The following PDE4D variants were observed in gnomAD, a reference collection of about 807,000 sequenced individuals.
PDE4D encodes the protein phosphodiesterase 4D, also known as 3',5'-cyclic-AMP phosphodiesterase 4D.
PDE4D carries 24 observed loss-of-function variants against 87.4 expected under a neutral mutation model. The observed-to-expected ratio is 0.27, with a 90% confidence interval of 0.20 to 0.39. The LOEUF (loss-of-function observed/expected upper bound fraction) is 0.39. PDE4D is among the 10% of genes least tolerant of loss of function. The pLI is 1.00. For synonymous variants in PDE4D, 384 were observed against 383.2 expected, an observed-to-expected ratio of 1.00 and a Z score of -0.02; for missense variants, 714 against 1,041.0, an observed-to-expected ratio of 0.69 and a Z score of 4.32.
intron 2 of PDE4D, among the ~76,000 whole-genome samples, chr5:60,075,133 T>C (rs1258941839): frequency 6.6e-6 from 1 of 152,178 alleles, no homozygotes. Context: ...CACTGTGTAT[T>C]TGCAGTGTCT....
intron 1 of PDE4D, among the ~76,000 whole-genome samples, chr5:59,506,160 T>TATTA (rs1809220802): frequency 6.6e-6 from 1 of 152,142 alleles, no homozygotes; most frequent in South Asian, 2.1e-4. Flanking sequence ...AAACATTGAT[T>TATTA]TGCTAAATTA....
At chr5:59,833,975 C>A (rs928446696) in intron 1 of PDE4D, among the ~76,000 whole-genome samples, 1 of 151,830 alleles carries the variant, frequency 6.6e-6, no homozygotes, top group African/African-American at 2.4e-5. Flanking sequence ...AAGAAACCAG[C>A]AAATGTTTAT....
chr5:59,462,540 T>G (rs1043094433), intron 1 of PDE4D, among the ~76,000 whole-genome samples: 1 of 152,164 alleles, frequency 6.6e-6, no homozygotes, highest in African/African-American at 2.4e-5. Flanking sequence ...TATGACCATC[T>G]TAGTTAAGCA....
chr5:59,356,916 G>A (rs1781469544), intron 1 of PDE4D: 1 of 1,459,288 alleles, frequency 6.9e-7, no homozygotes, highest in Admixed American at 3.0e-5. Context: ...CTGGGGCCCT[G>A]AGGCCCCGCA....
At chr5:59,994,615 TCCCCTCTGTAG>T (rs1763348175) in intron 2 of PDE4D, among the ~76,000 whole-genome samples, 3 of 152,000 alleles carry the variant, frequency 2.0e-5, no homozygotes, top group Admixed American at 2.0e-4. Context: ...CTATTTCTCT[TCCCCTCTGTAG>T]CCCCTCACCA....
At position 58,974,098 on chromosome 5, in the gene PDE4D, A is replaced by G. The variant is rs1561204101; in HGVS notation, c.*566T>C. On this transcript the variant is annotated 3_prime_UTR_variant, in exon 15 of 15. Coordinates refer to ENST00000340635, the MANE Select transcript of PDE4D (RefSeq NM_001104631.2). ...AAGCTCTACAAAAAATCTGTTTTAC[A>G]TATCATACAAAATGTAGAGGTCAGT... 1 of 152,742 alleles carries G rather than the reference A, an allele frequency of 6.5e-6. No homozygotes were observed. The allele number at this position is 152,742 out of a possible 1,614,324, so 9.5% of individuals were successfully genotyped here. A position where few individuals can be genotyped will look rare whatever the true frequency, so the allele number is the denominator to read the frequency against.
At chr5:59,281,174 T>C (rs1222689126) in intron 1 of PDE4D, among the ~76,000 whole-genome samples, 2 of 152,136 alleles carry the variant, frequency 1.3e-5, no homozygotes, top group African/African-American at 4.8e-5. Context: ...TTCCAAAGTA[T>C]GTTTTGGGCG....
At chr5:59,359,019 A>G (rs1327206911) in intron 1 of PDE4D, among the ~76,000 whole-genome samples, 1 of 152,234 alleles carries the variant, frequency 6.6e-6, no homozygotes, top group Non-Finnish European at 1.5e-5. Context: ...ATTTTCACAA[A>G]TAATTAACTG....
intron 5 of PDE4D, among the ~76,000 whole-genome samples, chr5:59,110,786 C>T (rs1383234851): frequency 2.6e-5 from 4 of 152,068 alleles, no homozygotes; most frequent in Admixed American, 6.6e-5. Context: ...GTGGGAAGAT[C>T]GCTTGAGTCC....
At chr5:59,484,925 C>T (rs886273572) in intron 1 of PDE4D, among the ~76,000 whole-genome samples, 4 of 152,156 alleles carry the variant, frequency 2.6e-5, no homozygotes, top group Non-Finnish European at 5.9e-5. Flanking sequence ...CAGTAATATC[C>T]ACCATGATGC....
chr5:60,261,146 T>C (rs980909445), intron 1 of PDE4D, among the ~76,000 whole-genome samples: 2 of 152,156 alleles, frequency 1.3e-5, no homozygotes, highest in African/African-American at 4.8e-5. Flanking sequence ...TAGGATACAA[T>C]AGGAGAAGGT....
At chr5:60,204,020 A>G (rs945840091) in intron 1 of PDE4D, among the ~76,000 whole-genome samples, 2 of 152,222 alleles carry the variant, frequency 1.3e-5, no homozygotes, top group African/African-American at 4.8e-5. Flanking sequence ...TAAGATGCAA[A>G]GTTTCATTGA....
At chr5:60,270,268 G>A (rs1340240873) in intron 1 of PDE4D, among the ~76,000 whole-genome samples, 1 of 152,154 alleles carries the variant, frequency 6.6e-6, no homozygotes, top group Admixed American at 6.5e-5. Context: ...AAAAGCAACT[G>A]ATAATCTAGG....
intron 1 of PDE4D, among the ~76,000 whole-genome samples, chr5:59,410,956 T>A (rs1347153222): frequency 6.6e-6 from 1 of 152,186 alleles, no homozygotes; most frequent in Non-Finnish European, 1.5e-5. Flanking sequence ...TAGACTTTCA[T>A]TTACTCTCTC....
At chr5:59,107,217 C>CT (rs1014535288) in intron 5 of PDE4D, among the ~76,000 whole-genome samples, 5 of 151,392 alleles carry the variant, frequency 3.3e-5, no homozygotes, top group African/African-American at 1.2e-4. Context: ...TTTCTTTTTT[C>CT]TTTTTTTTGT....
chr5:58,970,788 C>T lies in PDE4D; in HGVS notation c.*3876G>A, dbSNP rs1403147792. On this transcript the variant is annotated 3_prime_UTR_variant, in exon 15 of 15. Coordinates refer to ENST00000340635, the MANE Select transcript of PDE4D (RefSeq NM_001104631.2). ...TAACCAACACGAGTAAACTCTGGCT[C>T]CAATTTCAAATCAAGTCCATTTTCC... The T allele has an allele frequency of 6.6e-6, 1 of 151,720 alleles. No homozygotes were observed. Among genetic ancestry groups the T allele is most frequent in the African/African-American group, 2.4e-5 (1 of 41,298 alleles). 9.4% of individuals were successfully genotyped at this position (151,720 alleles called of 1,614,324 possible).
intron 1 of PDE4D, among the ~76,000 whole-genome samples, chr5:59,246,591 A>G (rs1480941867): frequency 6.6e-6 from 1 of 152,142 alleles, no homozygotes; most frequent in Non-Finnish European, 1.5e-5. Context: ...GGACTCTGTT[A>G]ATCTTATGCG....
intron 6 of PDE4D, among the ~76,000 whole-genome samples, chr5:59,028,950 A>T (rs1009953371): frequency 6.6e-6 from 1 of 152,198 alleles, no homozygotes. Context: ...GAAAAAATAT[A>T]ACTTGAACAT....
intron 1 of PDE4D, among the ~76,000 whole-genome samples, chr5:59,892,052 G>T (rs1751032544): frequency 6.6e-6 from 1 of 152,176 alleles, no homozygotes; most frequent in African/African-American, 2.4e-5. Context: ...AGGATCAGCA[G>T]CTCCTGAAAT....
Sources: gnomAD v4.1 joint callset for allele counts (sites outside exome capture counted in the v4.1 genomes callset) on GRCh38, gnomAD v4.1.1 for gene constraint, MANE v1.5 for transcripts, NCBI Gene and HGNC (gene_info 2026-07-23, HGNC 2026-07-21) for gene names.